The following METTL4 variants were observed in gnomAD, a reference collection of about 807,000 sequenced individuals.
The protein encoded by METTL4 is N(6)-adenine-specific methyltransferase METTL4.
Under a neutral mutation model 54.0 loss-of-function variants are expected in METTL4, and 40 were observed. The observed-to-expected ratio is 0.74, with a 90% confidence interval of 0.58 to 0.96. METTL4 has a LOEUF of 0.96. Among genes scored for constraint, METTL4 ranks in the 50% least tolerant of loss-of-function variants. The pLI is 0.00. For missense variants in METTL4, 525 were observed against 549.0 expected (o/e 0.96, Z 0.44); for synonymous variants, 169 against 183.8 (o/e 0.92, Z 0.65).
intron 3 of METTL4, 98 bp downstream of exon 3, chr18:2,563,699 G>C: frequency 2.8e-6 from 2 of 724,578 alleles, no homozygotes; most frequent in Non-Finnish European, 4.4e-6. Flanking sequence ...CAAAATGATT[G>C]CTTGATTTTG....
Position 2,546,715 on chromosome 18 carries a change from A to C in METTL4, c.1074+640T>G, listed in dbSNP as rs118119804. 2.7e-3 allele frequency among the ~76,000 whole-genome samples: 414 copies of C among 152,314 alleles called. 3 individuals are homozygous for C. Among genetic ancestry groups the C allele is most frequent in the South Asian group, 0.018 (88 of 4,832 alleles). On this transcript the variant is annotated intron_variant, in intron 6 of 8. Transcript: ENST00000574538. ...TTTAAAAGGAAACCTGATGAACTCT[A>C]AATTGATGCCTTATTTTTCTGTATT...
At position 2,554,846 on chromosome 18, in the gene METTL4, T is replaced by C; in HGVS notation, c.652A>G (p.Thr218Ala). ...GTATCCTCTTCCACCAATTGTAATGTCTGATGTTCCATTTCATTCAGAGAA... is the reference window on the plus strand; with the variant it reads ...GTATCCTCTTCCACCAATTGTAATGCCTGATGTTCCATTTCATTCAGAGAA... ...LPSLNEMEHQ[T>A]LQLVEEDTSV... Residue 218 changes from threonine (T) to alanine (A), a missense_variant, in exon 4 of 9, where the codon ACA becomes GCA. Coordinates refer to ENST00000574538, the MANE Select transcript of METTL4 (RefSeq NM_022840.5). 6.2e-7 allele frequency: 1 copy of C among 1,613,960 alleles called. No individual in the cohort carries two copies. The highest frequency in any genetic ancestry group is 2.2e-5 in the East Asian group (1 of 44,846).
At position 2,537,928 on chromosome 18, in the gene METTL4, A is replaced by C. The variant is rs1439454017; in HGVS notation, c.*1072T>G. ...AGGATAGGAGCAGGGGATTGACTGC[A>C]AAAGGAAAAATGAGAAGTTTTCAGG... On this transcript the variant is annotated 3_prime_UTR_variant, in exon 9 of 9. Transcript: ENST00000574538. 1 of 398,414 alleles carries C rather than the reference A, an allele frequency of 2.5e-6. No individual in the cohort carries two copies. Among genetic ancestry groups the C allele is most frequent in the African/African-American group, 2.1e-5 (1 of 48,626 alleles). 24.7% of individuals were successfully genotyped at this position (398,414 alleles called of 1,614,324 possible). A position where few individuals can be genotyped will look rare whatever the true frequency, so the allele number is the denominator to read the frequency against.
intron 3 of METTL4, chr18:2,561,565 A>G (rs1216231102): frequency 6.6e-6 from 1 of 152,202 alleles, no homozygotes; most frequent in Non-Finnish European, 1.5e-5. Flanking sequence ...ATTGATCCTA[A>G]AATTTATATG....
At chr18:2,542,526 T>G (rs910500255) in intron 8 of METTL4, among the ~76,000 whole-genome samples, 1 of 152,150 alleles carries the variant, frequency 6.6e-6, no homozygotes, top group Non-Finnish European at 1.5e-5. Flanking sequence ...GGTCTTAGCT[T>G]TTGAATTTTT....
At chr18:2,564,037 A>G (rs558578209) in intron 2 of METTL4, among the ~76,000 whole-genome samples, 178 bp from the exon 3 acceptor site, 1 of 152,194 alleles carries the variant, frequency 6.6e-6, no homozygotes, top group East Asian at 1.9e-4. Context: ...AAGCTTTCCC[A>G]AAGTAAATTA....
At chr18:2,550,960 C>G (rs9949151) in intron 5 of METTL4, among the ~76,000 whole-genome samples, 11,412 of 151,516 alleles carry the variant, frequency 0.075, 785 homozygotes, top group African/African-American at 0.18. Flanking sequence ...GTCAGGAGAT[C>G]GAGACCATCC....
Position 2,554,944 on chromosome 18 carries a change from C to T in METTL4, c.554G>A (p.Gly185Asp), listed in dbSNP as rs778999259. The change falls in exon 4 of 9, where the codon GGT becomes GAT. Residue 185 changes from glycine (G) to aspartate (D), a missense_variant. By Grantham distance (94) the Gly-to-Asp change is moderately conservative. Coordinates refer to ENST00000574538, the MANE Select transcript of METTL4 (RefSeq NM_022840.5). ...AAGTGGTAAAGTAATGGGCTTACTACCCTTGTCCTGTTTTTCAAAAAGTGG... is the reference window on the plus strand; with the variant it reads ...AAGTGGTAAAGTAATGGGCTTACTATCCTTGTCCTGTTTTTCAAAAAGTGG... ...LYPLFEKQDKGSKPITLPLDA... is the reference protein window; with the variant it reads ...LYPLFEKQDKDSKPITLPLDA... The T allele has an allele frequency of 1.9e-6, 3 of 1,614,052 alleles. No homozygotes were observed. Among genetic ancestry groups the T allele is most frequent in the African/African-American group, 2.7e-5 (2 of 75,028 alleles).
Position 2,567,180 on chromosome 18 carries a change from G to A in METTL4, c.37C>T (p.Leu13=), listed in dbSNP as rs767064802. Residue 13 remains leucine, a synonymous_variant, in exon 2 of 9, where the codon CTG becomes TTG. Coordinates refer to ENST00000574538, the MANE Select transcript of METTL4 (RefSeq NM_022840.5). ...TTGTTGATAAAAGAAAGATGATCCA[G>A]TAACCACCCAGCTGACAACTGGTGT... is the stretch of plus-strand genomic sequence containing the variant. ...VVHQLSAGWL[L]DHLSFINKIN... 2 of 1,612,848 alleles carry A rather than the reference G, an allele frequency of 1.2e-6. No homozygotes were observed. The highest frequency in any genetic ancestry group is 2.2e-5 in the South Asian group (2 of 90,836).
rs376322080 is a variant in METTL4, at chr18:2,567,053, G to C, written c.164C>G (p.Ser55Cys). 214 of 1,614,032 alleles carry C rather than the reference G, an allele frequency of 1.3e-4. 1 individual carries two copies. The highest frequency in any genetic ancestry group is 1.7e-4 in the Non-Finnish European group (205 of 1,180,022). Residue 55 changes from serine to cysteine, a missense_variant, in exon 2 of 9, where the codon TCC (serine) becomes TGC (cysteine). Physicochemically the swap from Ser to Cys is moderately radical, Grantham distance 112. Coordinates refer to ENST00000574538, the MANE Select transcript of METTL4 (RefSeq NM_022840.5). Reference sequence around the variant, plus strand: ...AATAAATGCAGCACAGACTCCAGAGGAGGACACAGAATCCATTTGAAGAGA... The same window carrying C: ...AATAAATGCAGCACAGACTCCAGAGCAGGACACAGAATCCATTTGAAGAGA... ...FESLQMDSVS[S>C]SGVCAAFIAS...
At chr18:2,547,263 A>T (rs1015831596) in intron 6 of METTL4, 92 bp downstream of exon 6, 1 of 1,004,702 alleles carries the variant, frequency 1.0e-6, no homozygotes, top group Admixed American at 2.8e-5. Context: ...GAAGGAGTAC[A>T]GCAGTGACAT....
intron 1 of METTL4, chr18:2,568,837 C>G: frequency 4.6e-6 from 1 of 215,682 alleles, no homozygotes. Flanking sequence ...ACCAAATGGA[C>G]AGGGATGATA....
chr18:2,558,311 G>A (rs2072267777), intron 3 of METTL4, among the ~76,000 whole-genome samples: 1 of 151,960 alleles, frequency 6.6e-6, no homozygotes, highest in South Asian at 2.1e-4. Flanking sequence ...AGAACAAGAA[G>A]ACACTGAGAT....
At chr18:2,551,707 A>G (rs904992365) in intron 5 of METTL4, among the ~76,000 whole-genome samples, 15 of 152,242 alleles carry the variant, frequency 9.9e-5, no homozygotes, top group African/African-American at 3.4e-4. Context: ...AAATAAAAAA[A>G]AAGAAGAAGA....
intron 5 of METTL4, 39 bp downstream of exon 5, chr18:2,552,654 TAC>T (rs2072179440): frequency 7.4e-7 from 1 of 1,345,354 alleles, no homozygotes; most frequent in South Asian, 1.2e-5. Context: ...TACAAAGGAC[TAC>T]AGTTTTTTTA....
chr18:2,540,496 G>T, intron 8 of METTL4: 1 of 985,080 alleles, frequency 1.0e-6, no homozygotes, highest in African/African-American at 1.7e-5. Flanking sequence ...CAAAATACTT[G>T]TTCATCTGTC....
At position 2,538,064 on chromosome 18, in the gene METTL4, T is replaced by C. The variant is rs2071936490; in HGVS notation, c.*936A>G. Reference sequence around the variant, plus strand: ...AAATTGGAGAATTTTGTGAAAATTATACCTCAATTTTTAAAAAGTCAATAC... The same window carrying C: ...AAATTGGAGAATTTTGTGAAAATTACACCTCAATTTTTAAAAAGTCAATAC... On this transcript the variant is annotated 3_prime_UTR_variant, in exon 9 of 9. Coordinates refer to ENST00000574538, the MANE Select transcript of METTL4 (RefSeq NM_022840.5). 2.5e-6 allele frequency: 1 copy of C among 397,138 alleles called. No homozygotes were observed. Among genetic ancestry groups the C allele is most frequent in the South Asian group, 1.4e-4 (1 of 7,348 alleles). The allele number at this position is 397,138 out of a possible 1,614,324, so 24.6% of individuals were successfully genotyped here. A position where few individuals can be genotyped will look rare whatever the true frequency, so the allele number is the denominator to read the frequency against.
chr18:2,538,823 T>A lies in METTL4; in HGVS notation c.*177A>T. 1.6e-6 allele frequency: 1 copy of A among 615,356 alleles called. No individual in the cohort carries two copies. The highest frequency in any genetic ancestry group is 2.8e-5 in the East Asian group (1 of 36,098). 38.1% of individuals were successfully genotyped at this position (615,356 alleles called of 1,614,324 possible). On this transcript the variant is annotated 3_prime_UTR_variant, in exon 9 of 9. Transcript: ENST00000574538. ...ACATAGAATGTTAGTGCAACTCAAG[T>A]AAAATTCATCTTAAAATTACATGAA... is the stretch of plus-strand genomic sequence containing the variant.
intron 3 of METTL4, chr18:2,555,320 T>C (rs2072223577): frequency 2.8e-6 from 1 of 360,380 alleles, no homozygotes; most frequent in Non-Finnish European, 5.0e-6. Context: ...ATAATCTGAA[T>C]GTTTCTAGAA....
Sources: gnomAD v4.1 joint callset for allele counts (sites outside exome capture counted in the v4.1 genomes callset) on GRCh38, gnomAD v4.1.1 for gene constraint, MANE v1.5 for transcripts, NCBI Gene and HGNC (gene_info 2026-07-23, HGNC 2026-07-21) for gene names.